The following DENND5A variants were observed in gnomAD, a reference collection of about 807,000 sequenced individuals.
The protein encoded by DENND5A is DENN domain containing 5A.
Under a neutral mutation model 140.3 loss-of-function variants are expected in DENND5A, and 64 were observed. The observed-to-expected ratio is 0.46, with a 90% CI of 0.37 to 0.56. The LOEUF is 0.56. Among genes scored for constraint, DENND5A ranks in the 20% least tolerant of loss-of-function variants. The pLI is 0.00. For missense variants in DENND5A, 1,292 were observed against 1,593.8 expected (o/e 0.81, Z 3.22); for synonymous variants, 605 against 607.7 (o/e 1.00, Z 0.07).
intron 11 of DENND5A, among the ~76,000 whole-genome samples, chr11:9,165,470 C>T (rs1379489607): frequency 1.3e-5 from 2 of 150,992 alleles, no homozygotes; most frequent in East Asian, 2.0e-4. Context: ...GACAGAGTCT[C>T]GCTCTGTTGC....
chr11:9,170,060 T>C (rs1367300824), intron 9 of DENND5A, 111 bp from the exon 10 acceptor site: 1 of 882,430 alleles, frequency 1.1e-6, no homozygotes, highest in Non-Finnish European at 1.8e-6. Context: ...ACACAGGAAA[T>C]GACCTAGATG....
rs983383463 is a variant in DENND5A, at chr11:9,265,019, G to A, written c.51C>T (p.Asp17=). The part of the protein sequence containing the change: ...GGGSAPSRFA[D]YFVICGLDTE... ...TGTCCAGTCCGCAGATGACAAAGTA[G>A]TCGGCGAAGCGACTGGGCGCCGAGC... Residue 17 remains aspartate (D), a synonymous_variant, in exon 1 of 23, where the codon GAC becomes GAT. Transcript: ENST00000328194. This position sits in a 1 kb window ranked among gnomAD's most constrained non-coding sequence, Gnocchi z 4.7. The A allele has an allele frequency of 6.3e-7, 1 of 1,580,174 alleles. No homozygotes were observed. The highest frequency in any genetic ancestry group is 8.6e-7 in the Non-Finnish European group (1 of 1,166,264).
chr11:9,151,255 T>C (rs1847606022), intron 13 of DENND5A, among the ~76,000 whole-genome samples: 4 of 152,210 alleles, frequency 2.6e-5, no homozygotes. Flanking sequence ...TGTTCCAGAA[T>C]GATAGGACCT....
intron 13 of DENND5A, 129 bp from the exon 14 acceptor site, chr11:9,150,893 G>T: frequency 2.1e-6 from 1 of 474,634 alleles, no homozygotes; most frequent in Non-Finnish European, 3.8e-6. Flanking sequence ...TTAATTGATT[G>T]TTTCATAAAT....
intron 10 of DENND5A, among the ~76,000 whole-genome samples, chr11:9,169,275 C>T (rs1382084187): frequency 1.3e-5 from 2 of 151,890 alleles, no homozygotes; most frequent in African/African-American, 4.8e-5. Context: ...GGTGAAACCC[C>T]GTCTCTACTA....
In DENND5A at chr11:9,150,213, G is replaced by C. The variant is rs1474921564; in HGVS notation, c.2607-4C>G. 1.9e-6 allele frequency: 3 copies of C among 1,613,162 alleles called. No individual in the cohort carries two copies. The highest frequency in any genetic ancestry group is 2.5e-6 in the Non-Finnish European group (3 of 1,179,532). Reference sequence around the variant, plus strand: ...TTCCCCGATGTTCTGGATGTGCCTGGAGGAAGAATGTAAAAAGGAAGTGGA... The same window carrying C: ...TTCCCCGATGTTCTGGATGTGCCTGCAGGAAGAATGTAAAAAGGAAGTGGA... On this transcript the variant is annotated splice_region_variant and splice_polypyrimidine_tract_variant and intron_variant, in intron 14 of 22. Coordinates refer to ENST00000328194, the MANE Select transcript of DENND5A (RefSeq NM_015213.4).
chr11:9,180,731 G>T, intron 6 of DENND5A, 36 bp downstream of exon 6: 2 of 1,592,332 alleles, frequency 1.3e-6, no homozygotes, highest in Non-Finnish European at 1.7e-6. Context: ...CCCTAGCACA[G>T]ATCACACGTG....
intron 1 of DENND5A, among the ~76,000 whole-genome samples, chr11:9,248,598 G>A (rs1368423865): frequency 6.6e-6 from 1 of 151,906 alleles, no homozygotes; most frequent in Non-Finnish European, 1.5e-5. Flanking sequence ...AGGCTGAACT[G>A]CGCTGTGATT....
chr11:9,163,789 G>C (rs960031772), intron 11 of DENND5A, among the ~76,000 whole-genome samples: 1 of 144,068 alleles, frequency 6.9e-6, no homozygotes, highest in Non-Finnish European at 1.5e-5. Context: ...GGGTGACACA[G>C]TGAGACTCCA....
chr11:9,211,885 G>C (rs867543048), intron 1 of DENND5A, among the ~76,000 whole-genome samples: 2 of 147,594 alleles, frequency 1.4e-5, no homozygotes, highest in African/African-American at 5.0e-5. Flanking sequence ...AGCCAAGATC[G>C]TGCCACTGCA....
rs751672497 is a variant in DENND5A, at chr11:9,160,755, A to G, written c.2394T>C (p.Asp798=). ...CATGACTCCAGATCCTTTCCAGGAG[A>G]TCACAAAGGCTGGCAATCAGGGTGT... The part of the protein sequence containing the change: ...EENTLIASLC[D]LLERIWSHGL... The change falls in exon 12 of 23, where the codon GAT becomes GAC. Residue 798 remains aspartate, a synonymous_variant. Coordinates refer to ENST00000328194, the MANE Select transcript of DENND5A (RefSeq NM_015213.4). 6.2e-7 allele frequency: 1 copy of G among 1,613,622 alleles called. No individual in the cohort carries two copies. The highest frequency in any genetic ancestry group is 1.1e-5 in the South Asian group (1 of 91,028).
intron 20 of DENND5A, 175 bp downstream of exon 20, chr11:9,143,228 G>A (rs1037404799): frequency 1.5e-6 from 1 of 685,170 alleles, no homozygotes; most frequent in African/African-American, 1.8e-5. Flanking sequence ...CTGAGGCAAA[G>A]GCCCCCAGAG....
Position 9,141,840 on chromosome 11 carries a change from G to A in DENND5A, c.3680+100C>T. The A allele has an allele frequency of 2.6e-6, 3 of 1,164,764 alleles. 1 individual carries two copies. In the South Asian group the frequency reaches 6.3e-5, roughly 24 times the overall value. The allele number at this position is 1,164,764 out of a possible 1,614,324, so 72.2% of individuals were successfully genotyped here. ...CCTTCTAAGGCCTCATCTCCCTAAG[G>A]GCACCTGATGAGCCATTCCTCACCC... On this transcript the variant is annotated intron_variant, in intron 22 of 22. Coordinates refer to ENST00000328194, the MANE Select transcript of DENND5A (RefSeq NM_015213.4).
intron 1 of DENND5A, among the ~76,000 whole-genome samples, chr11:9,251,644 CAGA>C (rs1351000204): frequency 6.6e-6 from 1 of 152,166 alleles, no homozygotes; most frequent in Non-Finnish European, 1.5e-5. Flanking sequence ...TCAGCAACCA[CAGA>C]AGATTTGGAA....
At chr11:9,206,527 G>A in intron 3 of DENND5A, 146 bp downstream of exon 3, 1 of 649,838 alleles carries the variant, frequency 1.5e-6, no homozygotes, top group Non-Finnish European at 2.7e-6. Flanking sequence ...TGACCAAAAT[G>A]CAGAATAATA....
intron 16 of DENND5A, 174 bp downstream of exon 16, chr11:9,146,856 A>G (rs1271826291): frequency 5.9e-6 from 4 of 682,924 alleles, no homozygotes; most frequent in Non-Finnish European, 9.8e-6. Context: ...GAAACTTCAG[A>G]GAAAACACAG....
At chr11:9,214,614 C>T (rs774605604) in intron 1 of DENND5A, among the ~76,000 whole-genome samples, 1 of 152,220 alleles carries the variant, frequency 6.6e-6, no homozygotes, top group Admixed American at 6.5e-5. Context: ...ACTTGGCCCA[C>T]ATCACCAGCT....
chr11:9,217,427 T>G (rs755949222), intron 1 of DENND5A, among the ~76,000 whole-genome samples: 3 of 151,876 alleles, frequency 2.0e-5, no homozygotes, highest in Non-Finnish European at 4.4e-5. Context: ...GGCAGGAGAA[T>G]AGCTAGAACC....
intron 8 of DENND5A, among the ~76,000 whole-genome samples, chr11:9,174,518 T>C (rs1279840612): frequency 7.0e-6 from 1 of 143,138 alleles, no homozygotes; most frequent in Admixed American, 6.9e-5. Flanking sequence ...GGTTATTTCT[T>C]TTTTTTTTTT....
Sources: gnomAD v4.1 joint callset for allele counts (sites outside exome capture counted in the v4.1 genomes callset) on GRCh38, gnomAD v4.1.1 for gene constraint, Gnocchi (gnomAD v3.1) non-coding constraint, MANE v1.5 for transcripts, NCBI Gene and HGNC (gene_info 2026-07-23, HGNC 2026-07-21) for gene names.